SCAND3: variants seen among roughly 807,000 people sequenced by gnomAD.
The protein encoded by SCAND3 is SCAN domain containing 3.
chr6:28,579,193 T>G, the SCAND3 span: 184 of 1,287,904 alleles, frequency 1.4e-4, no homozygotes, highest in Middle Eastern at 5.4e-4. The surrounding 1 kb of genome is among the most constrained non-coding windows in gnomAD (Gnocchi z 4.5). Flanking sequence ...TGAAATGGAA[T>G]GAGGTTTGAT....
the SCAND3 span, chr6:28,571,959 A>T: frequency 6.2e-7 from 1 of 1,613,772 alleles, no homozygotes; most frequent in Non-Finnish European, 8.5e-7. Flanking sequence ...TGTCTAATCT[A>T]GGTTGGATTG....
the SCAND3 span, chr6:28,573,820 T>C: frequency 2.0e-6 from 3 of 1,524,868 alleles, no homozygotes; most frequent in South Asian, 3.9e-5. Context: ...TGAAGCTTGT[T>C]TCGCCATCTG....
At chr6:28,615,490 G>A in the SCAND3 span, among the ~76,000 whole-genome samples, 4 of 151,190 alleles carry the variant, frequency 2.6e-5, no homozygotes, top group East Asian at 2.0e-4. Flanking sequence ...GTGCGCGCCT[G>A]TAATCTCAGC....
At chr6:28,598,909 A>G in the SCAND3 span, among the ~76,000 whole-genome samples, 4 of 150,224 alleles carry the variant, frequency 2.7e-5, no homozygotes, top group African/African-American at 9.7e-5. Flanking sequence ...AAAGAAAAAA[A>G]GTAATTATAG....
the SCAND3 span, among the ~76,000 whole-genome samples, chr6:28,608,908 G>A: frequency 8.6e-5 from 13 of 151,960 alleles, no homozygotes; most frequent in South Asian, 4.2e-4. Context: ...CAGGAGAATC[G>A]CTTGAGCCCA....
the SCAND3 span, chr6:28,590,133 CT>C: frequency 6.6e-6 from 1 of 152,342 alleles, no homozygotes; most frequent in Non-Finnish European, 1.5e-5. Flanking sequence ...GCGCTGGGAG[CT>C]GGCATTCCCA....
chr6:28,602,355 C>A, the SCAND3 span, among the ~76,000 whole-genome samples: 1 of 152,100 alleles, frequency 6.6e-6, no homozygotes, highest in Non-Finnish European at 1.5e-5. Context: ...ACTACAGGTG[C>A]TCACCACTAC....
chr6:28,580,602 T>C, the SCAND3 span, among the ~76,000 whole-genome samples: 1 of 152,240 alleles, frequency 6.6e-6, no homozygotes, highest in Non-Finnish European at 1.5e-5. Context: ...TATAATAGCA[T>C]GCATTTCAAT....
chr6:28,604,468 T>A, the SCAND3 span, among the ~76,000 whole-genome samples: 1 of 151,930 alleles, frequency 6.6e-6, no homozygotes, highest in Non-Finnish European at 1.5e-5. Context: ...ATACAAAAAT[T>A]AGCTGGGCGT....
chr6:28,575,802 G>A, the SCAND3 span: 13 of 1,613,772 alleles, frequency 8.1e-6, no homozygotes, highest in African/African-American at 1.6e-4. The surrounding 1 kb of genome is among the most constrained non-coding windows in gnomAD (Gnocchi z 4.2). Context: ...CACTGTGTAA[G>A]TAATACCGTA....
At chr6:28,575,401 T>C in the SCAND3 span, 1 of 1,614,036 alleles carries the variant, frequency 6.2e-7, no homozygotes, top group Non-Finnish European at 8.5e-7. This position sits in a 1 kb window ranked among gnomAD's most constrained non-coding sequence, Gnocchi z 4.2. Context: ...ATTGTCAGAT[T>C]GTAGGACACT....
At chr6:28,583,382 A>AAAAC in the SCAND3 span, among the ~76,000 whole-genome samples, 33 of 145,444 alleles carry the variant, frequency 2.3e-4, no homozygotes, top group Admixed American at 9.0e-4. Flanking sequence ...ACTCTGTCTC[A>AAAAC]AAACAAACAA....
the SCAND3 span, chr6:28,574,972 A>G: frequency 6.2e-7 from 1 of 1,613,598 alleles, no homozygotes; most frequent in Non-Finnish European, 8.5e-7. Context: ...ATTCTCTTCA[A>G]TATCACTACT....
the SCAND3 span, among the ~76,000 whole-genome samples, chr6:28,597,194 C>G: frequency 1.3e-5 from 2 of 152,190 alleles, no homozygotes; most frequent in Non-Finnish European, 2.9e-5. Flanking sequence ...GAATCTTGTA[C>G]TCAGAACTGA....
the SCAND3 span, among the ~76,000 whole-genome samples, chr6:28,605,857 A>G: frequency 1.3e-5 from 2 of 152,138 alleles, no homozygotes; most frequent in African/African-American, 4.8e-5. Flanking sequence ...AAAAAGAAAG[A>G]AAGAAAGAAA....
chr6:28,611,949 C>T, the SCAND3 span, among the ~76,000 whole-genome samples: 1 of 152,172 alleles, frequency 6.6e-6, no homozygotes, highest in African/African-American at 2.4e-5. Flanking sequence ...TAAATTAACC[C>T]TATGGACAGG....
At chr6:28,573,283 A>G in the SCAND3 span, 2 of 1,613,982 alleles carry the variant, frequency 1.2e-6, no homozygotes, top group East Asian at 2.2e-5. Context: ...GTCATTGGAA[A>G]GTGGTACCTG....
chr6:28,601,063 C>T, the SCAND3 span, among the ~76,000 whole-genome samples: 1 of 151,906 alleles, frequency 6.6e-6, no homozygotes, highest in Non-Finnish European at 1.5e-5. Flanking sequence ...CCACCACGCC[C>T]AGCTAATTTC....
chr6:28,595,838 C>G, the SCAND3 span, among the ~76,000 whole-genome samples: 2 of 152,174 alleles, frequency 1.3e-5, no homozygotes, highest in African/African-American at 2.4e-5. Context: ...TTTATTAAAT[C>G]ACAGATTCAA....
Sources: gnomAD v4.1 joint callset for allele counts (sites outside exome capture counted in the v4.1 genomes callset) on GRCh38, gnomAD v4.1.1 for gene constraint, Gnocchi (gnomAD v3.1) non-coding constraint, MANE v1.5 for transcripts, NCBI Gene and HGNC (gene_info 2026-07-23, HGNC 2026-07-21) for gene names.